Variants in KIAA1328 observed in about 807,000 individuals in gnomAD.
KIAA1328 encodes the protein KIAA1328.
Under a neutral mutation model 68.1 loss-of-function variants are expected in KIAA1328, and 52 were observed. That is an observed-to-expected ratio of 0.76 (90% CI 0.61 to 0.96). KIAA1328 has a LOEUF of 0.96. KIAA1328 is among the 40% of genes least tolerant of loss of function. The pLI, the probability that KIAA1328 is intolerant of heterozygous loss-of-function variation, is 0.00. For missense variants in KIAA1328, 641 were observed against 677.6 expected (o/e 0.95, Z 0.60); for synonymous variants, 232 against 239.4 (o/e 0.97, Z 0.28).
At chr18:37,042,120 A>G (rs1447142396) in intron 6 of KIAA1328, among the ~76,000 whole-genome samples, 1 of 151,978 alleles carries the variant, frequency 6.6e-6, no homozygotes, top group African/African-American at 2.4e-5. Flanking sequence ...CTGGTCTCGA[A>G]CTTCTGGGCT....
intron 4 of KIAA1328, among the ~76,000 whole-genome samples, chr18:36,851,301 A>G (rs1365023943): frequency 6.6e-6 from 1 of 152,156 alleles, no homozygotes; most frequent in Non-Finnish European, 1.5e-5. Context: ...TGGCTTTGGC[A>G]TCAGGTAATG....
intron 7 of KIAA1328, among the ~76,000 whole-genome samples, chr18:37,116,441 G>T (rs1190814156): frequency 9.3e-5 from 14 of 150,326 alleles, no homozygotes; most frequent in African/African-American, 3.5e-4. Flanking sequence ...ATGGTGCTGG[G>T]AAAACTGGCT....
intron 7 of KIAA1328, among the ~76,000 whole-genome samples, chr18:37,126,843 C>T (rs995590232): frequency 6.6e-6 from 1 of 152,042 alleles, no homozygotes; most frequent in Non-Finnish European, 1.5e-5. Context: ...AAGAGAAAAA[C>T]CACCTGATTT....
At chr18:36,941,809 G>T (rs2050723584) in intron 5 of KIAA1328, among the ~76,000 whole-genome samples, 1 of 151,922 alleles carries the variant, frequency 6.6e-6, no homozygotes, top group Non-Finnish European at 1.5e-5. Flanking sequence ...GGAGACATTT[G>T]CATTTCTAAA....
chr18:37,172,922 T>A, intron 8 of KIAA1328, 51 bp from the exon 9 acceptor site: 2 of 1,383,506 alleles, frequency 1.4e-6, no homozygotes, highest in South Asian at 2.4e-5. Context: ...AGTGAACTTT[T>A]CCATTTTCTT....
intron 7 of KIAA1328, among the ~76,000 whole-genome samples, chr18:37,123,419 A>G (rs956516934): frequency 6.6e-6 from 1 of 152,196 alleles, no homozygotes; most frequent in Non-Finnish European, 1.5e-5. Context: ...CCTGCAACTC[A>G]AAGGGAGAAA....
intron 6 of KIAA1328, among the ~76,000 whole-genome samples, chr18:37,030,736 G>A (rs573059475): frequency 2.6e-5 from 4 of 152,124 alleles, no homozygotes; most frequent in East Asian, 1.9e-4. Flanking sequence ...ACAACGTGCA[G>A]GTTTGTTACA....
At chr18:36,913,329 A>C (rs1487047020) in intron 5 of KIAA1328, among the ~76,000 whole-genome samples, 1 of 151,012 alleles carries the variant, frequency 6.6e-6, no homozygotes, top group African/African-American at 2.4e-5. Flanking sequence ...GACCAGCTTG[A>C]GCAACATAGT....
intron 6 of KIAA1328, among the ~76,000 whole-genome samples, chr18:36,961,722 C>T (rs1407954093): frequency 6.6e-6 from 1 of 152,120 alleles, no homozygotes; most frequent in African/African-American, 2.4e-5. Context: ...AACTAAGCTT[C>T]ATAAGTGAAG....
At chr18:36,920,975 C>T (rs932179362) in intron 5 of KIAA1328, 8 of 152,198 alleles carry the variant, frequency 5.3e-5, no homozygotes, top group African/African-American at 1.7e-4. Flanking sequence ...CACCAGGTTC[C>T]GTTAGTATTT....
At chr18:37,101,565 A>G (rs901193631) in intron 7 of KIAA1328, among the ~76,000 whole-genome samples, 44 of 152,326 alleles carry the variant, frequency 2.9e-4, no homozygotes, top group African/African-American at 1.0e-3. Context: ...AGTGACGGGG[A>G]GAATGGAACC....
At chr18:37,213,255 C>T (rs571816926) in intron 9 of KIAA1328, among the ~76,000 whole-genome samples, 10 of 152,100 alleles carry the variant, frequency 6.6e-5, no homozygotes, top group Non-Finnish European at 1.2e-4. Flanking sequence ...CCCATTAACT[C>T]GTCATTTACA....
chr18:37,118,853 G>T (rs2058193131), intron 7 of KIAA1328, among the ~76,000 whole-genome samples: 1 of 152,102 alleles, frequency 6.6e-6, no homozygotes, highest in African/African-American at 2.4e-5. Flanking sequence ...AACTACGGAG[G>T]AAACAGCACC....
At chr18:36,933,638 T>C (rs1248164965) in intron 5 of KIAA1328, among the ~76,000 whole-genome samples, 2 of 152,222 alleles carry the variant, frequency 1.3e-5, no homozygotes, top group Non-Finnish European at 2.9e-5. Flanking sequence ...AGCCCACAGT[T>C]CTGTCCTCCA....
At chr18:36,977,080 A>T (rs901547528) in intron 6 of KIAA1328, among the ~76,000 whole-genome samples, 2 of 152,196 alleles carry the variant, frequency 1.3e-5, no homozygotes, top group Non-Finnish European at 2.9e-5. Flanking sequence ...CTACTTAAGG[A>T]GGCAGCACGT....
chr18:36,956,272 G>T (rs1306396219), intron 5 of KIAA1328, among the ~76,000 whole-genome samples: 1 of 152,162 alleles, frequency 6.6e-6, no homozygotes, highest in African/African-American at 2.4e-5. Flanking sequence ...AGGTTGCAAT[G>T]ACTGCTCTGT....
chr18:37,157,719 G>A (rs2059183006), intron 7 of KIAA1328, among the ~76,000 whole-genome samples: 1 of 141,804 alleles, frequency 7.1e-6, no homozygotes, highest in African/African-American at 2.6e-5. Flanking sequence ...TGAGGCAGGA[G>A]AATCACTTGA....
intron 5 of KIAA1328, among the ~76,000 whole-genome samples, chr18:36,911,728 C>T (rs2049459305): frequency 6.6e-6 from 1 of 152,134 alleles, no homozygotes; most frequent in Non-Finnish European, 1.5e-5. Flanking sequence ...CTGCATGAAC[C>T]TGATCAAATT....
intron 3 of KIAA1328, among the ~76,000 whole-genome samples, chr18:36,837,036 A>C (rs1013961870): frequency 2.0e-5 from 3 of 152,150 alleles, no homozygotes; most frequent in African/African-American, 7.2e-5. Context: ...CTTTCTAGCT[A>C]TTATGAATAA....
Sources: gnomAD v4.1 joint callset for allele counts (sites outside exome capture counted in the v4.1 genomes callset) on GRCh38, gnomAD v4.1.1 for gene constraint, MANE v1.5 for transcripts, NCBI Gene and HGNC (gene_info 2026-07-23, HGNC 2026-07-21) for gene names.